The following KCTD9 variants were observed in gnomAD, a reference collection of about 807,000 sequenced individuals.
The protein encoded by KCTD9 is potassium channel tetramerization domain containing 9, also known as BTB/POZ domain-containing protein KCTD9.
KCTD9 carries 17 observed loss-of-function variants against 53.3 expected under a neutral mutation model. That is an observed-to-expected ratio of 0.32 (90% confidence interval 0.22 to 0.48). The LOEUF (loss-of-function observed/expected upper bound fraction) is 0.48. KCTD9 is among the 20% of genes least tolerant of loss of function. The probability of loss-of-function intolerance (pLI) is 0.99; values close to 1 mark genes in which losing one functional copy is unlikely to be tolerated. For synonymous variants in KCTD9, 128 were observed against 162.7 expected (o/e 0.79, Z 1.62); for missense variants, 179 against 465.5 (o/e 0.38, Z 5.66).
Position 25,442,809 on chromosome 8 carries a change from T to C in KCTD9, c.214+1483A>G, listed in dbSNP as rs553154932. The stretch of plus-strand genomic sequence containing the variant: ...TAGCATATGAAAAACATTTAACTGT[T>C]TTTAGTAATTATATTGGTACTGAAA... On this transcript the variant is annotated intron_variant, in intron 3 of 11. Coordinates refer to ENST00000221200, the MANE Select transcript of KCTD9 (RefSeq NM_017634.4). 1.0e-3 allele frequency among the ~76,000 whole-genome samples: 152 copies of C among 152,320 alleles called. 2 individuals are homozygous for C. In the South Asian group the frequency reaches 0.031, roughly 31 times the overall value.
rs1179353264 is a variant in KCTD9, at chr8:25,458,421, T to G, written c.-175A>C. On this transcript the variant is annotated 5_prime_UTR_variant, in exon 1 of 12. Transcript: ENST00000221200. ...ACGCACTCTGTCCCACACCCAAGGT[T>G]CGGCCGGTCCTCCTTCCCACCCCGC... 1.4e-5 allele frequency: 10 copies of G among 720,662 alleles called. No homozygotes were observed. Among genetic ancestry groups the G allele is most frequent in the Admixed American group, 9.4e-5 (4 of 42,390 alleles). The allele number at this position is 720,662 out of a possible 1,614,324, so 44.6% of individuals were successfully genotyped here. A position where few individuals can be genotyped will look rare whatever the true frequency, so the allele number is the denominator to read the frequency against.
chr8:25,457,449 G>T, intron 1 of KCTD9: 1 of 841,022 alleles, frequency 1.2e-6, no homozygotes, highest in Non-Finnish European at 1.4e-6. Context: ...GTTTTGGCTT[G>T]CTCCAGCGCT....
At chr8:25,455,799 A>T (rs1435418467) in intron 1 of KCTD9, among the ~76,000 whole-genome samples, 2 of 152,218 alleles carry the variant, frequency 1.3e-5, no homozygotes, top group Non-Finnish European at 2.9e-5. Flanking sequence ...TTCTTACAGG[A>T]GACCTGAGAC....
intron 1 of KCTD9, among the ~76,000 whole-genome samples, chr8:25,454,583 A>G (rs1224251761): frequency 6.6e-6 from 1 of 152,240 alleles, no homozygotes; most frequent in Non-Finnish European, 1.5e-5. Context: ...ATGTTGAGGC[A>G]CATGGAAAAA....
intron 6 of KCTD9, among the ~76,000 whole-genome samples, chr8:25,436,907 G>C (rs1391384214): frequency 2.0e-5 from 3 of 152,160 alleles, no homozygotes; most frequent in Non-Finnish European, 2.9e-5. Context: ...TCTTTCAAAT[G>C]AGAAGACCTC....
intron 3 of KCTD9, among the ~76,000 whole-genome samples, chr8:25,442,035 AG>A (rs1303487070): frequency 6.6e-6 from 1 of 152,088 alleles, no homozygotes; most frequent in African/African-American, 2.4e-5. Flanking sequence ...AGAAAGGAAA[AG>A]AAAGTTTCAA....
chr8:25,432,439 A>C, intron 11 of KCTD9, 65 bp downstream of exon 11: 1 of 1,433,550 alleles, frequency 7.0e-7, no homozygotes. Context: ...GATTTCAATA[A>C]ATTTTGCATG....
At chr8:25,456,022 A>C (rs955537557) in intron 1 of KCTD9, among the ~76,000 whole-genome samples, 2 of 152,220 alleles carry the variant, frequency 1.3e-5, no homozygotes, top group African/African-American at 4.8e-5. Flanking sequence ...CCAACGTCAA[A>C]TACGTCCACC....
At chr8:25,442,570 G>A (rs977264966) in intron 3 of KCTD9, among the ~76,000 whole-genome samples, 9 of 152,242 alleles carry the variant, frequency 5.9e-5, no homozygotes, top group East Asian at 3.9e-4. Flanking sequence ...AGATGTCACC[G>A]AATATTGTTC....
Position 25,441,325 on chromosome 8 carries a change from C to A in KCTD9, c.215-652G>T, listed in dbSNP as rs1335561264. ...GAAATTGGAAAAACTGTCCTGTCAG[C>A]CCTCTTTTCAAGTTAAGAAAAACTA... On this transcript the variant is annotated intron_variant, in intron 3 of 11. Transcript: ENST00000221200. Among the ~76,000 whole-genome samples the A allele has an allele frequency of 3.3e-5, 5 of 152,062 alleles. No homozygotes were observed. In the East Asian group the frequency reaches 9.6e-4, roughly 29 times the overall value.
chr8:25,457,301 CT>C (rs1352781256), intron 1 of KCTD9: 1 of 945,008 alleles, frequency 1.1e-6, no homozygotes, highest in Admixed American at 6.2e-5. Context: ...TTACCTTTAC[CT>C]TAGACTCGTA....
At chr8:25,454,014 G>C (rs1393673336) in intron 1 of KCTD9, among the ~76,000 whole-genome samples, 1 of 152,134 alleles carries the variant, frequency 6.6e-6, no homozygotes, top group Non-Finnish European at 1.5e-5. Context: ...TTCAAACCTG[G>C]ATACTTACTA....
At position 25,427,853 on chromosome 8, in the gene KCTD9, G is replaced by T. The variant is rs757224022; in HGVS notation, c.*2004C>A. On this transcript the variant is annotated 3_prime_UTR_variant, in exon 12 of 12. Transcript: ENST00000221200. ...AATGATAAAAATAATCATGTTTAAAGAAATAAATTTACTTTAATGGTACTT... is the reference window on the plus strand; with the variant it reads ...AATGATAAAAATAATCATGTTTAAATAAATAAATTTACTTTAATGGTACTT... 10 of 146,158 alleles carry T rather than the reference G, an allele frequency of 6.8e-5. No individual in the cohort carries two copies. The highest frequency in any genetic ancestry group is 1.4e-4 in the Non-Finnish European group (9 of 64,660). 9.1% of individuals were successfully genotyped at this position (146,158 alleles called of 1,614,324 possible).
rs568889703 is a variant in KCTD9, at chr8:25,436,131, T to C, written c.663+104A>G. Reference sequence around the variant, plus strand: ...TCATAATTAAATTAGATCTTGCATGTAAAAGAAAAACAAAGCAAGATAATC... The same window carrying C: ...TCATAATTAAATTAGATCTTGCATGCAAAAGAAAAACAAAGCAAGATAATC... On this transcript the variant is annotated intron_variant, in intron 8 of 11. Transcript: ENST00000221200. 2.3e-4 allele frequency: 183 copies of C among 779,928 alleles called. 2 individuals carry two copies. In the South Asian group the frequency reaches 2.7e-3, roughly 12 times the overall value. 48.3% of individuals were successfully genotyped at this position (779,928 alleles called of 1,614,324 possible). A position where few individuals can be genotyped will look rare whatever the true frequency, so the allele number is the denominator to read the frequency against.
intron 10 of KCTD9, 29 bp downstream of exon 10, chr8:25,433,301 A>T: frequency 8.0e-7 from 1 of 1,250,940 alleles, no homozygotes; most frequent in Non-Finnish European, 1.2e-6. Context: ...CTTCCTTCGT[A>T]GAATAGGTAT....
At position 25,433,105 on chromosome 8, in the gene KCTD9, T is replaced by C. The variant is rs73549218; in HGVS notation, c.919+225A>G. The stretch of plus-strand genomic sequence containing the variant: ...ATTTAATTTTCCAACTAAAACCTTA[T>C]TAAATATTTGAGGTTTTATTTTTTC... On this transcript the variant is annotated intron_variant, in intron 10 of 11. Transcript: ENST00000221200. Among the ~76,000 whole-genome samples, 1,474 of 152,358 alleles carry C rather than the reference T, an allele frequency of 9.7e-3. 25 individuals carry two copies. The highest frequency in any genetic ancestry group is 0.033 in the African/African-American group (1,373 of 41,584).
rs1176236905 is a variant in KCTD9 at position 25,428,354 on chromosome 8, C to T, written c.*1503G>A. The T allele has an allele frequency of 6.6e-6, 1 of 152,574 alleles. No individual in the cohort carries two copies. The highest frequency in any genetic ancestry group is 1.9e-4 in the East Asian group (1 of 5,200). 9.5% of individuals were successfully genotyped at this position (152,574 alleles called of 1,614,324 possible). A position where few individuals can be genotyped will look rare whatever the true frequency, so the allele number is the denominator to read the frequency against. On this transcript the variant is annotated 3_prime_UTR_variant, in exon 12 of 12. Coordinates refer to ENST00000221200, the MANE Select transcript of KCTD9 (RefSeq NM_017634.4). ...TCCTTCACTTGTAAAGGTCTGATCT[C>T]CTCCCACTATGCATATGTACCCTTT...
At chr8:25,451,221 C>A (rs941189278) in intron 1 of KCTD9, among the ~76,000 whole-genome samples, 5 of 152,028 alleles carry the variant, frequency 3.3e-5, no homozygotes, top group African/African-American at 1.2e-4. Flanking sequence ...TAATTAGAAA[C>A]CAGGTTTTAA....
chr8:25,434,645 C>T (rs1801987028), intron 9 of KCTD9, among the ~76,000 whole-genome samples: 1 of 152,026 alleles, frequency 6.6e-6, no homozygotes, highest in Non-Finnish European at 1.5e-5. Context: ...TGATACACAG[C>T]TTCATGGAAA....
Sources: allele counts gnomAD v4.1 joint callset (sites outside exome capture counted in the v4.1 genomes callset), GRCh38; gene constraint gnomAD v4.1.1; transcripts MANE v1.5; gene names NCBI Gene and HGNC (gene_info 2026-07-23, HGNC 2026-07-21).